LRPPRC: variants seen among roughly 807,000 people sequenced by gnomAD.
The protein encoded by LRPPRC is leucine-rich PPR motif-containing protein, mitochondrial.
A neutral mutation model predicts 180.3 loss-of-function variants in LRPPRC; 120 were observed. The ratio of observed to expected loss-of-function variants is 0.67; its 90% confidence interval spans 0.57 to 0.77. The LOEUF (loss-of-function observed/expected upper bound fraction) is 0.77, where lower values mean the gene tolerates loss of function less well. Among genes scored for constraint, LRPPRC ranks in the 30% least tolerant of loss-of-function variants. The probability of loss-of-function intolerance (pLI) is 0.00; values close to 1 mark genes in which losing one functional copy is unlikely to be tolerated. For missense variants in LRPPRC, 2,012 were observed against 1,657.2 expected (o/e 1.21, Z -3.72); for synonymous variants, 723 against 600.0 (o/e 1.21, Z -3.00).
chr2:43,993,913 G>A (rs1365917846), intron 1 of LRPPRC, among the ~76,000 whole-genome samples: 1 of 151,916 alleles, frequency 6.6e-6, no homozygotes, highest in Admixed American at 6.6e-5. Flanking sequence ...AGGGGGAAAG[G>A]CCTTTACAGA....
intron 11 of LRPPRC, among the ~76,000 whole-genome samples, chr2:43,971,325 CCA>C (rs1673793666): frequency 6.6e-6 from 1 of 151,274 alleles, no homozygotes; most frequent in South Asian, 2.1e-4. Flanking sequence ...TTCACTTGTG[CCA>C]CAGAGATAAA....
intron 35 of LRPPRC, among the ~76,000 whole-genome samples, chr2:43,895,895 T>C (rs1219348914): frequency 6.6e-6 from 1 of 152,218 alleles, no homozygotes; most frequent in African/African-American, 2.4e-5. Flanking sequence ...TAGAATGTGA[T>C]ATACCTACTA....
intron 1 of LRPPRC, among the ~76,000 whole-genome samples, chr2:43,993,419 A>G (rs1674873765): frequency 6.6e-6 from 1 of 152,222 alleles, no homozygotes; most frequent in African/African-American, 2.4e-5. Context: ...AATCAATAAG[A>G]TAATAATGGC....
chr2:43,978,521 C>G (rs540581015), intron 3 of LRPPRC, among the ~76,000 whole-genome samples: 2 of 152,148 alleles, frequency 1.3e-5, no homozygotes, highest in Non-Finnish European at 2.9e-5. Context: ...GTAACCTTTT[C>G]TGCATATATT....
intron 11 of LRPPRC, among the ~76,000 whole-genome samples, chr2:43,966,472 G>A (rs1042698219): frequency 6.6e-6 from 1 of 151,090 alleles, no homozygotes; most frequent in Non-Finnish European, 1.5e-5. Context: ...GTGCAATGGT[G>A]CGATCTCAAC....
intron 12 of LRPPRC, among the ~76,000 whole-genome samples, chr2:43,962,131 G>T (rs181487977): frequency 6.6e-6 from 1 of 152,286 alleles, no homozygotes; most frequent in East Asian, 1.9e-4. Context: ...TTCCAAATTA[G>T]ATCTGCTGTT....
intron 32 of LRPPRC, among the ~76,000 whole-genome samples, chr2:43,900,991 A>C (rs1670862102): frequency 6.6e-6 from 1 of 152,156 alleles, no homozygotes; most frequent in Non-Finnish European, 1.5e-5. Context: ...CCTATCAAAT[A>C]TTACTGACAA....
chr2:43,950,333 A>T (rs767542856), intron 15 of LRPPRC, among the ~76,000 whole-genome samples: 2 of 152,218 alleles, frequency 1.3e-5, no homozygotes, highest in Non-Finnish European at 2.9e-5. Flanking sequence ...CCCAGGTATT[A>T]AGCCCAGCAT....
intron 11 of LRPPRC, among the ~76,000 whole-genome samples, chr2:43,964,201 C>T (rs1422114987): frequency 1.3e-5 from 2 of 152,154 alleles, no homozygotes; most frequent in African/African-American, 4.8e-5. Flanking sequence ...TAATAGAGAA[C>T]AATTTAATGA....
chr2:43,973,227 CTT>C (rs1012354675), intron 11 of LRPPRC, among the ~76,000 whole-genome samples: 3 of 152,104 alleles, frequency 2.0e-5, no homozygotes, highest in African/African-American at 4.8e-5. Flanking sequence ...AATGACCATA[CTT>C]TTTGTTTTCA....
At position 43,912,409 on chromosome 2, in the gene LRPPRC, T is replaced by A. The variant is rs185344408; in HGVS notation, c.3275+23A>T. 8.5e-4 allele frequency: 1,357 copies of A among 1,602,098 alleles called. 4 individuals are homozygous for A. The highest frequency in any genetic ancestry group is 1.1e-3 in the Non-Finnish European group (1,243 of 1,169,698). ...CAATATTCTTTTTTAAACAAGAGGT[T>A]TAATAAATGGACTAACACTTACAAT... On this transcript the variant is annotated intron_variant, in intron 30 of 37. Coordinates refer to ENST00000260665, the MANE Select transcript of LRPPRC (RefSeq NM_133259.4).
chr2:43,924,631 G>A (rs748187901), intron 27 of LRPPRC, among the ~76,000 whole-genome samples: 4 of 152,050 alleles, frequency 2.6e-5, no homozygotes, highest in Non-Finnish European at 5.9e-5. Context: ...TTAAAAAGCT[G>A]TTTAACAATG....
intron 34 of LRPPRC, among the ~76,000 whole-genome samples, chr2:43,897,091 TTAA>T (rs1670714337): frequency 6.6e-6 from 1 of 152,180 alleles, no homozygotes; most frequent in Non-Finnish European, 1.5e-5. Flanking sequence ...AATTATACAT[TTAA>T]TAAGGTGTCA....
At chr2:43,911,332 C>T (rs1558922372) in intron 30 of LRPPRC, among the ~76,000 whole-genome samples, 1 of 152,014 alleles carries the variant, frequency 6.6e-6, no homozygotes, top group Non-Finnish European at 1.5e-5. Flanking sequence ...TGTTTTTCAA[C>T]ATTAAAACAC....
chr2:43,896,821 T>C (rs368287905), intron 34 of LRPPRC, 113 bp from the exon 35 acceptor site: 7 of 725,614 alleles, frequency 9.6e-6, no homozygotes, highest in Admixed American at 1.9e-5. Context: ...TTATTACCAA[T>C]AGGAAGGCCT....
intron 9 of LRPPRC, 116 bp from the exon 10 acceptor site, chr2:43,974,016 C>T: frequency 5.2e-6 from 6 of 1,158,946 alleles, no homozygotes; most frequent in Non-Finnish European, 7.8e-6. Context: ...CCTCTTTCTA[C>T]CCAAAAATCT....
chr2:43,907,798 G>A (rs1671113911), intron 30 of LRPPRC, among the ~76,000 whole-genome samples: 1 of 152,088 alleles, frequency 6.6e-6, no homozygotes, highest in Non-Finnish European at 1.5e-5. Context: ...AAAGAAGACA[G>A]TATTATAGGG....
chr2:43,954,084 A>G (rs1673008815), intron 14 of LRPPRC, among the ~76,000 whole-genome samples: 1 of 152,190 alleles, frequency 6.6e-6, no homozygotes, highest in Admixed American at 6.5e-5. Context: ...TCTCCCCTAC[A>G]TCTCTGTAAC....
At chr2:43,906,294 G>C (rs930386116) in intron 30 of LRPPRC, among the ~76,000 whole-genome samples, 1 of 152,114 alleles carries the variant, frequency 6.6e-6, no homozygotes, top group Non-Finnish European at 1.5e-5. Context: ...GATTCATACA[G>C]TTTCTGAAGC....
Sources: allele counts gnomAD v4.1 joint callset (sites outside exome capture counted in the v4.1 genomes callset), GRCh38; gene constraint gnomAD v4.1.1; transcripts MANE v1.5; gene names NCBI Gene and HGNC (gene_info 2026-07-23, HGNC 2026-07-21).